The following CELF2 variants were observed in gnomAD, a reference collection of about 807,000 sequenced individuals.
CELF2 encodes CUGBP Elav-like family member 2.
CELF2 carries 8 observed loss-of-function variants against 62.6 expected under a neutral mutation model. That is an observed-to-expected ratio of 0.13 (90% CI 0.07 to 0.23). The LOEUF is 0.23. Ranked by LOEUF, CELF2 falls within the 10% of genes least tolerant of loss-of-function variation. The probability of loss-of-function intolerance (pLI) is 1.00; values close to 1 mark genes in which losing one functional copy is unlikely to be tolerated. For missense variants in CELF2, 333 were observed against 671.0 expected (o/e 0.50, Z 5.56); for synonymous variants, 258 against 250.0 (o/e 1.03, Z -0.30).
chr10:10,841,346 A>AG (rs1291597679), intron 1 of CELF2, among the ~76,000 whole-genome samples: 1 of 10,014 alleles, frequency 1.0e-4, no homozygotes, highest in African/African-American at 2.5e-3. Flanking sequence ...ATATAGTATC[A>AG]AAAAAAAAAA....
At chr10:11,271,910 G>C (rs2083936504) in intron 7 of CELF2, among the ~76,000 whole-genome samples, 1 of 152,168 alleles carries the variant, frequency 6.6e-6, no homozygotes. Context: ...TATGAGGAAA[G>C]GGAGACTCAA....
At chr10:11,052,227 T>G (rs1047452207) in intron 1 of CELF2, among the ~76,000 whole-genome samples, 2 of 152,226 alleles carry the variant, frequency 1.3e-5, no homozygotes, top group African/African-American at 4.8e-5. Flanking sequence ...TGAGCCACCA[T>G]TCTAGGCTGT....
the CELF2 span, among the ~76,000 whole-genome samples, chr10:10,717,084 G>C: frequency 6.6e-6 from 1 of 152,300 alleles, no homozygotes; most frequent in East Asian, 1.9e-4. Context: ...CTATTTTATA[G>C]ATTTCTTGGT....
chr10:11,256,711 C>A (rs1434443124), intron 4 of CELF2, among the ~76,000 whole-genome samples: 1 of 147,874 alleles, frequency 6.8e-6, no homozygotes, highest in Non-Finnish European at 1.5e-5. Flanking sequence ...GGACTCCAAA[C>A]GCTGTCCTGA....
chr10:11,083,819 T>A (rs1240427082), intron 1 of CELF2, among the ~76,000 whole-genome samples: 1 of 152,166 alleles, frequency 6.6e-6, no homozygotes, highest in East Asian at 1.9e-4. Flanking sequence ...ATGATGCCAT[T>A]TTCATTTAGT....
chr10:10,863,869 A>G (rs2060195721), intron 1 of CELF2, among the ~76,000 whole-genome samples: 1 of 152,192 alleles, frequency 6.6e-6, no homozygotes, highest in Non-Finnish European at 1.5e-5. Flanking sequence ...AGCAGGACAA[A>G]CCAAATAAGG....
intron 1 of CELF2, among the ~76,000 whole-genome samples, chr10:11,136,176 A>G (rs527611910): frequency 6.6e-6 from 1 of 152,274 alleles, no homozygotes; most frequent in Admixed American, 6.5e-5. Context: ...TTTTCAATCA[A>G]CTAGCCAAAT....
At chr10:11,072,107 A>G (rs1190952209) in intron 1 of CELF2, among the ~76,000 whole-genome samples, 1 of 152,212 alleles carries the variant, frequency 6.6e-6, no homozygotes, top group African/African-American at 2.4e-5. Context: ...TCCAGGTGAA[A>G]CAGAGGAAAG....
At chr10:10,483,694 G>A in the CELF2 span, among the ~76,000 whole-genome samples, 1 of 152,214 alleles carries the variant, frequency 6.6e-6, no homozygotes, top group African/African-American at 2.4e-5. Context: ...TAAACTTTCT[G>A]TCTACCAGGC....
At chr10:10,620,908 A>ACC in the CELF2 span, among the ~76,000 whole-genome samples, 1 of 67,494 alleles carries the variant, frequency 1.5e-5, no homozygotes, top group Non-Finnish European at 2.7e-5. Flanking sequence ...ACAGAGCGAG[A>ACC]CCCCATCTCA....
At chr10:10,926,211 A>G (rs1016268457) in intron 2 of CELF2, among the ~76,000 whole-genome samples, 3 of 152,058 alleles carry the variant, frequency 2.0e-5, no homozygotes, top group Non-Finnish European at 4.4e-5. Flanking sequence ...CTACTCCTCA[A>G]TGTGACTCTG....
At chr10:10,879,664 C>T (rs144362508) in intron 1 of CELF2, among the ~76,000 whole-genome samples, 14 of 152,320 alleles carry the variant, frequency 9.2e-5, no homozygotes, top group East Asian at 3.9e-4. Flanking sequence ...ATCCTTTCTT[C>T]GGCCCAATCA....
At chr10:10,874,724 A>C (rs1209215146) in intron 1 of CELF2, among the ~76,000 whole-genome samples, 1 of 152,210 alleles carries the variant, frequency 6.6e-6, no homozygotes, top group Non-Finnish European at 1.5e-5. Context: ...AAACAAAATC[A>C]TTTAATAAAA....
chr10:10,940,072 C>A (rs2046884770), intron 2 of CELF2, among the ~76,000 whole-genome samples: 1 of 152,078 alleles, frequency 6.6e-6, no homozygotes, highest in African/African-American at 2.4e-5. Context: ...GGGTCCCCAA[C>A]CTAATATCTA....
chr10:10,613,404 G>A, the CELF2 span, among the ~76,000 whole-genome samples: 1 of 152,142 alleles, frequency 6.6e-6, no homozygotes, highest in Admixed American at 6.5e-5. Flanking sequence ...AGGCAATTGG[G>A]AGAAAAATAA....
chr10:10,930,285 C>T (rs1165564946), intron 2 of CELF2, among the ~76,000 whole-genome samples: 2 of 152,104 alleles, frequency 1.3e-5, no homozygotes, highest in South Asian at 2.1e-4. Flanking sequence ...TGGTGATCTC[C>T]AGAGATTTTG....
chr10:10,943,290 A>G (rs964011487), intron 2 of CELF2, among the ~76,000 whole-genome samples: 2 of 152,202 alleles, frequency 1.3e-5, no homozygotes, highest in Non-Finnish European at 2.9e-5. Flanking sequence ...AGCGTTTGGT[A>G]AGAGTATCGC....
In CELF2 at chr10:11,242,315, A is replaced by G. The variant is rs1182831021; in HGVS notation, c.355-6838A>G. Among the ~76,000 whole-genome samples the G allele has an allele frequency of 6.6e-6, 1 of 152,178 alleles. No homozygotes were observed. The highest frequency in any genetic ancestry group is 6.5e-5 in the Admixed American group (1 of 15,276). On this transcript the variant is annotated intron_variant, in intron 3 of 12. Transcript: ENST00000633077. The surrounding 1 kb of genome is among the most constrained non-coding windows in gnomAD (Gnocchi z 4.8). ...TGGCTGGGGTTCAACAAGTTCCAACATGAGTTCTCCTGTGTGTGAGGAGCC... is the reference window on the plus strand; with the variant it reads ...TGGCTGGGGTTCAACAAGTTCCAACGTGAGTTCTCCTGTGTGTGAGGAGCC...
intron 2 of CELF2, among the ~76,000 whole-genome samples, chr10:10,942,956 C>T (rs2047208588): frequency 6.6e-6 from 1 of 152,090 alleles, no homozygotes; most frequent in Non-Finnish European, 1.5e-5. Context: ...AGAGTTTAAG[C>T]CAAGGGGAAG....
Sources: allele counts gnomAD v4.1 joint callset (sites outside exome capture counted in the v4.1 genomes callset), GRCh38; gene constraint gnomAD v4.1.1; non-coding constraint Gnocchi (gnomAD v3.1); transcripts MANE v1.5; gene names NCBI Gene and HGNC (gene_info 2026-07-23, HGNC 2026-07-21).